COL22A1: variants seen among roughly 807,000 people sequenced by gnomAD.
COL22A1 encodes collagen type XXII alpha 1 chain.
In COL22A1, 221 loss-of-function variants were observed where a neutral mutation model predicts 248.9. The observed-to-expected ratio is 0.89, with a 90% CI of 0.80 to 0.99. The LOEUF is 0.99. Among genes scored for constraint, COL22A1 ranks in the 50% least tolerant of loss-of-function variants. COL22A1 has a pLI of 0.00. For synonymous variants in COL22A1, 891 were observed against 793.4 expected, an observed-to-expected ratio of 1.12 and a Z score of -2.07; for missense variants, 2,240 against 2,179.0, an observed-to-expected ratio of 1.03 and a Z score of -0.56.
At chr8:138,629,301 C>T (rs1203061845) in intron 50 of COL22A1, among the ~76,000 whole-genome samples, 2 of 152,068 alleles carry the variant, frequency 1.3e-5, no homozygotes, top group East Asian at 3.9e-4. Context: ...GGATTACAGG[C>T]ATGTGCCACC....
chr8:138,699,172 C>A (rs1184404542), intron 32 of COL22A1, among the ~76,000 whole-genome samples: 2 of 152,188 alleles, frequency 1.3e-5, no homozygotes, highest in Non-Finnish European at 2.9e-5. Context: ...TCACCCACTT[C>A]TCCCTAAGTC....
intron 41 of COL22A1, among the ~76,000 whole-genome samples, chr8:138,665,916 T>C (rs1420664379): frequency 6.6e-6 from 1 of 152,120 alleles, no homozygotes; most frequent in Non-Finnish European, 1.5e-5. Context: ...TTAAAATAAA[T>C]GTAATAACCA....
At chr8:138,602,006 C>G in intron 60 of COL22A1, 109 bp downstream of exon 60, 2 of 1,113,058 alleles carry the variant, frequency 1.8e-6, no homozygotes, top group Non-Finnish European at 2.7e-6. Context: ...CGGCATGATC[C>G]AGGCGGGTGT....
At position 138,759,907 on chromosome 8, in the gene COL22A1, C is replaced by A. The variant is rs545529217; in HGVS notation, c.1902+336G>T. Among the ~76,000 whole-genome samples the A allele has an allele frequency of 3.9e-5, 6 of 151,966 alleles. No homozygotes were observed. The South Asian group carries it at 1.0e-3, about 26-fold the overall frequency. ...AAGATTTTTTAATATTTATTTATAG[C>A]CTTCCTTATTCCAAAAAGCACTGTA... On this transcript the variant is annotated intron_variant, in intron 18 of 64. Coordinates refer to ENST00000303045, the MANE Select transcript of COL22A1 (RefSeq NM_152888.3).
At position 138,661,411 on chromosome 8, in the gene COL22A1, A is replaced by C. The variant is rs188358066; in HGVS notation, c.3240+619T>G. On this transcript the variant is annotated intron_variant, in intron 43 of 64. Coordinates refer to ENST00000303045, the MANE Select transcript of COL22A1 (RefSeq NM_152888.3). ...TAGTGCCAGACACCTTTGTCCTATAAGGACTCATGGTTGTCATTTACCATT... is the reference window on the plus strand; with the variant it reads ...TAGTGCCAGACACCTTTGTCCTATACGGACTCATGGTTGTCATTTACCATT... Among the ~76,000 whole-genome samples the C allele has an allele frequency of 2.8e-4, 42 of 152,338 alleles. No individual in the cohort carries two copies. The East Asian group carries it at 7.1e-3, about 26-fold the overall frequency.
In COL22A1 at chr8:138,806,301, ATGT is replaced by A. The variant is rs751618751; in HGVS notation, c.1494+1464_1494+1466del. Among the ~76,000 whole-genome samples, 451 of 141,662 alleles carry A rather than the reference ATGT, an allele frequency of 3.2e-3. 2 individuals are homozygous for A. The highest frequency in any genetic ancestry group is 3.9e-3 in the Non-Finnish European group (250 of 64,750). 92.9% of individuals were successfully genotyped at this position (141,662 alleles called of 152,430 possible). ...TGGTGTGTTTGATGGTGTGTGTGTG[ATGT>A]TGTATTATGGGGTGTGTGTGTGTGT... On this transcript the variant is annotated intron_variant, in intron 10 of 64. Coordinates refer to ENST00000303045, the MANE Select transcript of COL22A1 (RefSeq NM_152888.3).
At chr8:138,639,012 C>G (rs1821437175) in intron 47 of COL22A1, among the ~76,000 whole-genome samples, 1 of 152,210 alleles carries the variant, frequency 6.6e-6, no homozygotes, top group Admixed American at 6.5e-5. Context: ...AGGGCGCTGA[C>G]ATTTACAGAG....
chr8:138,634,122 T>A (rs1820947881), intron 49 of COL22A1, among the ~76,000 whole-genome samples: 1 of 152,196 alleles, frequency 6.6e-6, no homozygotes, highest in Non-Finnish European at 1.5e-5. Context: ...TTAAAACAAC[T>A]TAACTTATTC....
At chr8:138,889,395 G>A (rs1824890125) in intron 1 of COL22A1, among the ~76,000 whole-genome samples, 1 of 152,180 alleles carries the variant, frequency 6.6e-6, no homozygotes, top group South Asian at 2.1e-4. Context: ...AAAAAATGAT[G>A]AGTTCACGTC....
intron 45 of COL22A1, among the ~76,000 whole-genome samples, chr8:138,653,788 C>A (rs536316867): frequency 6.6e-6 from 1 of 152,252 alleles, no homozygotes; most frequent in South Asian, 2.1e-4. Flanking sequence ...CTAGACTAGA[C>A]CAGCAGACTC....
intron 4 of COL22A1, among the ~76,000 whole-genome samples, chr8:138,843,688 C>A (rs999192025): frequency 6.6e-6 from 1 of 152,164 alleles, no homozygotes; most frequent in Non-Finnish European, 1.5e-5. Context: ...GTTCTCTCAC[C>A]CATTGATTCA....
At chr8:138,604,005 G>A (rs572413230) in intron 59 of COL22A1, among the ~76,000 whole-genome samples, 9 of 152,308 alleles carry the variant, frequency 5.9e-5, no homozygotes, top group Admixed American at 3.3e-4. Flanking sequence ...ACAGAGCAGG[G>A]TGCTAAAACC....
chr8:138,863,651 G>A (rs1213609177), intron 3 of COL22A1, among the ~76,000 whole-genome samples: 2 of 152,182 alleles, frequency 1.3e-5, no homozygotes, highest in Non-Finnish European at 2.9e-5. Flanking sequence ...AGTGGGTGCG[G>A]GGAGCCTGCA....
chr8:138,608,449 G>A (rs1818591890), intron 56 of COL22A1, among the ~76,000 whole-genome samples: 1 of 152,124 alleles, frequency 6.6e-6, no homozygotes, highest in Non-Finnish European at 1.5e-5. Flanking sequence ...CGACTAAGGA[G>A]ATCATTATAC....
At chr8:138,869,034 C>T (rs1823118077) in intron 3 of COL22A1, among the ~76,000 whole-genome samples, 1 of 152,144 alleles carries the variant, frequency 6.6e-6, no homozygotes. Flanking sequence ...CCCAGCCCAG[C>T]ATCCTCTTCT....
chr8:138,852,411 G>A (rs2131907845), intron 3 of COL22A1, among the ~76,000 whole-genome samples: 1 of 152,308 alleles, frequency 6.6e-6, no homozygotes, highest in African/African-American at 2.4e-5. Flanking sequence ...TCTAGAAAGT[G>A]AATGCTCTGC....
At chr8:138,599,410 C>T (rs987709925) in intron 60 of COL22A1, among the ~76,000 whole-genome samples, 6 of 152,036 alleles carry the variant, frequency 3.9e-5, no homozygotes, top group Admixed American at 1.3e-4. Context: ...ACCCGGGAGG[C>T]GGAGGTTGCA....
intron 4 of COL22A1, among the ~76,000 whole-genome samples, chr8:138,838,835 C>A (rs1242727874): frequency 6.6e-6 from 1 of 152,216 alleles, no homozygotes; most frequent in African/African-American, 2.4e-5. Context: ...CCAGGGAAGC[C>A]GCTGGACCAC....
At chr8:138,812,507 A>G (rs13256774) in intron 8 of COL22A1, among the ~76,000 whole-genome samples, 111,078 of 152,084 alleles carry the variant, frequency 0.73, 40,893 homozygotes, top group Middle Eastern at 0.8. Flanking sequence ...AGAACAGAGC[A>G]GAGCCTGCAC....
Sources: allele counts gnomAD v4.1 joint callset (sites outside exome capture counted in the v4.1 genomes callset), GRCh38; gene constraint gnomAD v4.1.1; transcripts MANE v1.5; gene names NCBI Gene and HGNC (gene_info 2026-07-23, HGNC 2026-07-21).